The following MON2 variants were observed in gnomAD, a reference collection of about 807,000 sequenced individuals.
MON2 encodes protein MON2 homolog.
A neutral mutation model predicts 208.6 loss-of-function variants in MON2; 84 were observed. The ratio of observed to expected loss-of-function variants is 0.40; its 90% CI spans 0.34 to 0.48. The LOEUF is 0.48. MON2 is among the 20% of genes least tolerant of loss of function. The probability of loss-of-function intolerance (pLI) is 0.59; values close to 1 mark genes in which losing one functional copy is unlikely to be tolerated. For missense variants in MON2, 1,611 were observed against 2,015.4 expected (o/e 0.80, Z 3.84); for synonymous variants, 660 against 694.0 (o/e 0.95, Z 0.77).
At chr12:62,520,567 A>G (rs1218391316) in intron 8 of MON2, among the ~76,000 whole-genome samples, 3 of 152,154 alleles carry the variant, frequency 2.0e-5, no homozygotes, top group African/African-American at 4.8e-5. Flanking sequence ...TTTTCTTCCA[A>G]CAATGATGGT....
intron 22 of MON2, among the ~76,000 whole-genome samples, chr12:62,548,285 A>G (rs2073584644): frequency 6.6e-6 from 1 of 152,190 alleles, no homozygotes; most frequent in Non-Finnish European, 1.5e-5. Flanking sequence ...ATAGGGGAAA[A>G]TAGCAATCAG....
At chr12:62,545,086 G>A (rs1416480012) in intron 21 of MON2, 78 bp downstream of exon 21, 1 of 877,394 alleles carries the variant, frequency 1.1e-6, no homozygotes, top group East Asian at 2.7e-5. Context: ...TTTCTTATCA[G>A]GTAGATCATA....
intron 5 of MON2, 28 bp downstream of exon 5, chr12:62,499,076 G>T (rs779121964): frequency 6.2e-7 from 1 of 1,603,920 alleles, no homozygotes; most frequent in South Asian, 1.1e-5. Context: ...GTTTTACTTT[G>T]TGGGTGGTTC....
intron 22 of MON2, 44 bp from the exon 23 acceptor site, chr12:62,549,624 A>T: frequency 6.6e-7 from 1 of 1,512,348 alleles, no homozygotes; most frequent in Non-Finnish European, 8.9e-7. Flanking sequence ...AAATAAATAA[A>T]TAAATAAAAT....
At chr12:62,578,216 A>G (rs1253264245) in intron 30 of MON2, among the ~76,000 whole-genome samples, 2 of 152,182 alleles carry the variant, frequency 1.3e-5, no homozygotes, top group Non-Finnish European at 1.5e-5. Context: ...GATTTTATTT[A>G]GTTCAAGATT....
rs185237510 is a variant in MON2 at position 62,469,401 on chromosome 12, T to A, written c.111+2083T>A. Reference sequence around the variant, plus strand: ...TTTACTTGAACACTGGCTAGAGAGATATTTTGTAATTGCACCTAGTCTTTG... The same window carrying A: ...TTTACTTGAACACTGGCTAGAGAGAAATTTTGTAATTGCACCTAGTCTTTG... On this transcript the variant is annotated intron_variant, in intron 1 of 34. Coordinates refer to ENST00000393630, the MANE Select transcript of MON2 (RefSeq NM_015026.3). 2.6e-5 allele frequency among the ~76,000 whole-genome samples: 4 copies of A among 152,330 alleles called. No individual in the cohort carries two copies. The East Asian group carries it at 7.7e-4, about 29-fold the overall frequency.
At chr12:62,587,128 G>T (rs1318473353) in intron 33 of MON2, among the ~76,000 whole-genome samples, 1 of 152,138 alleles carries the variant, frequency 6.6e-6, no homozygotes, top group Non-Finnish European at 1.5e-5. Context: ...TTTATGAGGA[G>T]AAAGAAGGGA....
intron 24 of MON2, among the ~76,000 whole-genome samples, chr12:62,554,979 G>A (rs983895590): frequency 1.5e-4 from 23 of 151,688 alleles, no homozygotes; most frequent in Admixed American, 7.2e-4. Flanking sequence ...TGTATTTTTA[G>A]TAGAGACAGG....
At chr12:62,527,546 A>G (rs1474681180) in intron 11 of MON2, among the ~76,000 whole-genome samples, 4 of 152,190 alleles carry the variant, frequency 2.6e-5, no homozygotes, top group Non-Finnish European at 5.9e-5. Context: ...ATCTAGCACT[A>G]AAGGAGACAT....
At chr12:62,579,519 T>C (rs1368431110) in intron 31 of MON2, among the ~76,000 whole-genome samples, 4 of 151,062 alleles carry the variant, frequency 2.6e-5, no homozygotes, top group Admixed American at 2.0e-4. Flanking sequence ...GTCAGGAGAT[T>C]GAGACCATCC....
rs749191830 is a variant in MON2, at chr12:62,580,246, T to G, written c.4576-51T>G. 12 of 1,546,174 alleles carry G rather than the reference T, an allele frequency of 7.8e-6. No homozygotes were observed. In the African/African-American group the frequency reaches 1.4e-4, roughly 18 times the overall value. The stretch of plus-strand genomic sequence containing the variant: ...TTAAATTTTACTCTAGAAATTATTT[T>G]AGTCTCTTTCAAAGAAAACAATACA... On this transcript the variant is annotated intron_variant, in intron 31 of 34. Transcript: ENST00000393630.
intron 21 of MON2, among the ~76,000 whole-genome samples, chr12:62,546,336 G>A (rs1441240680): frequency 6.6e-6 from 1 of 152,028 alleles, no homozygotes; most frequent in African/African-American, 2.4e-5. Flanking sequence ...TATCTTTAAA[G>A]TAAGATAACT....
intron 30 of MON2, 39 bp from the exon 31 acceptor site, chr12:62,578,406 A>ATATT (rs2074871411): frequency 8.0e-7 from 1 of 1,245,576 alleles, no homozygotes; most frequent in South Asian, 1.4e-5. Flanking sequence ...TTTGCAGGGA[A>ATATT]TATTTTATCT....
chr12:62,523,380 C>A (rs1235912625), intron 8 of MON2, among the ~76,000 whole-genome samples: 1 of 152,150 alleles, frequency 6.6e-6, no homozygotes, highest in African/African-American at 2.4e-5. Context: ...TCCTTACGCA[C>A]AAGGTTGCTG....
At chr12:62,539,334 C>G (rs920680626) in intron 19 of MON2, among the ~76,000 whole-genome samples, 1 of 150,958 alleles carries the variant, frequency 6.6e-6, no homozygotes, top group Non-Finnish European at 1.5e-5. Flanking sequence ...GTGGCGCAAT[C>G]TCGGGTCACT....
rs373722563 is a variant in MON2, at chr12:62,530,029, C to T, written c.1401-2409C>T. On this transcript the variant is annotated intron_variant, in intron 11 of 34. Transcript: ENST00000393630. ...TGTGTTCCAGGTATTTAAAAATATG[C>T]AATAGATTATTGTTAAGTGTAGTTA... Among the ~76,000 whole-genome samples the T allele has an allele frequency of 2.0e-5, 3 of 152,110 alleles. No homozygotes were observed. The East Asian group carries it at 5.8e-4, about 29-fold the overall frequency.
At position 62,538,260 on chromosome 12, in the gene MON2, A is replaced by G. The variant is rs776725107; in HGVS notation, c.2208A>G (p.Thr736=). ...RAVEGPSTVL[T]TAVMTDLPVI... The stretch of plus-strand genomic sequence containing the variant: ...AATTTTATTCTTCTCAGGTTCTAAC[A>G]ACAGCAGTGATGACAGATTTACCAG... The change falls in exon 18 of 35, where the codon ACA becomes ACG. Residue 736 remains threonine (T), a synonymous_variant. Transcript: ENST00000393630. 2.5e-6 allele frequency: 4 copies of G among 1,613,464 alleles called. No individual in the cohort carries two copies. The highest frequency in any genetic ancestry group is 2.5e-6 in the Non-Finnish European group (3 of 1,179,446).
intron 1 of MON2, among the ~76,000 whole-genome samples, chr12:62,472,395 G>C (rs2068836512): frequency 6.6e-6 from 1 of 152,180 alleles, no homozygotes; most frequent in South Asian, 2.1e-4. Flanking sequence ...CAGAATTAGG[G>C]AATTGGATAG....
chr12:62,485,498 GC>G, intron 2 of MON2, among the ~76,000 whole-genome samples: 1 of 152,182 alleles, frequency 6.6e-6, no homozygotes, highest in Non-Finnish European at 1.5e-5. Flanking sequence ...CTTAGCATAA[GC>G]GCTCCTCAAT....
Sources: gnomAD v4.1 joint callset for allele counts (sites outside exome capture counted in the v4.1 genomes callset) on GRCh38, gnomAD v4.1.1 for gene constraint, MANE v1.5 for transcripts, NCBI Gene and HGNC (gene_info 2026-07-23, HGNC 2026-07-21) for gene names.